Variants in TTC21B observed in about 807,000 individuals in gnomAD.
TTC21B encodes the protein tetratricopeptide repeat domain 21B, also known as tetratricopeptide repeat protein 21B.
TTC21B carries 127 observed loss-of-function variants against 175.1 expected under a neutral mutation model. The observed-to-expected ratio is 0.73, with a 90% CI of 0.63 to 0.84. The LOEUF is 0.84. Ranked by LOEUF, TTC21B falls within the 40% of genes least tolerant of loss-of-function variation. The probability of loss-of-function intolerance (pLI) is 0.00; values close to 1 mark genes in which losing one functional copy is unlikely to be tolerated. For missense variants in TTC21B, 1,561 were observed against 1,558.3 expected (o/e 1.00, Z -0.03); for synonymous variants, 524 against 524.5 (o/e 1.00, Z 0.01).
Position 165,915,371 on chromosome 2 carries a change from A to T in TTC21B, c.1968T>A (p.Val656=). 6.2e-7 allele frequency: 1 copy of T among 1,614,094 alleles called. No individual in the cohort carries two copies. ...GAGCAAGGTCTGCATTAGCAATGGT[A>T]ACCCGCACTTCTTCAGATGTTCCAG... ...EFSGTSEEVR[V]TIANADLALA... Residue 656 remains valine, a synonymous_variant, in exon 15 of 29, where the codon GTT becomes GTA. Coordinates refer to ENST00000243344, the MANE Select transcript of TTC21B (RefSeq NM_024753.5).
rs1002422994 is a variant in TTC21B at position 165,892,709 on chromosome 2, C to T, written c.2951-1721G>A. Among the ~76,000 whole-genome samples the T allele has an allele frequency of 3.9e-5, 6 of 151,944 alleles. No individual in the cohort carries two copies. In the East Asian group the frequency reaches 5.8e-4, roughly 15 times the overall value. On this transcript the variant is annotated intron_variant, in intron 22 of 28. Transcript: ENST00000243344. ...GTAGAATGATGGTTGCCAGGGGCTC[C>T]GGGAAGAGGAATGAGGAACGAGGAA...
rs746084350 is a variant in TTC21B, at chr2:165,933,039, G to T, written c.729C>A (p.Ser243Arg). The change falls in exon 7 of 29, where the codon AGC becomes AGA. Residue 243 changes from serine (S) to arginine (R), a missense_variant. Coordinates refer to ENST00000243344, the MANE Select transcript of TTC21B (RefSeq NM_024753.5). Reference protein sequence around the residue: ...ETAQRLLLQDSQNVEALRMQA... With the variant: ...ETAQRLLLQDRQNVEALRMQA... ...GCATTCTCAGTGCTTCCACATTTTG[G>T]CTATCTTGGAGCAGCAACCTGCAGG... is the stretch of plus-strand genomic sequence containing the variant. The T allele has an allele frequency of 6.2e-7, 1 of 1,612,472 alleles. No individual in the cohort carries two copies. The highest frequency in any genetic ancestry group is 1.1e-5 in the South Asian group (1 of 90,722).
At chr2:165,936,416 T>A (rs1687146525) in intron 6 of TTC21B, among the ~76,000 whole-genome samples, 1 of 152,056 alleles carries the variant, frequency 6.6e-6, no homozygotes, top group Non-Finnish European at 1.5e-5. Context: ...ACATTTTAGA[T>A]AATACACAAA....
rs549836003 is a variant in TTC21B, at chr2:165,901,610, A to C, written c.2757+112T>G. ...AGGGCTGGGATTATAGGCATCAGCC[A>C]CTGCACCCTGCCTACATCTTCTTTT... On this transcript the variant is annotated intron_variant, in intron 20 of 28. Coordinates refer to ENST00000243344, the MANE Select transcript of TTC21B (RefSeq NM_024753.5). 9.1e-4 allele frequency: 971 copies of C among 1,069,226 alleles called. 1 individual carries two copies. The highest frequency in any genetic ancestry group is 1.0e-3 in the Non-Finnish European group (704 of 698,872). The allele number at this position is 1,069,226 out of a possible 1,614,324, so 66.2% of individuals were successfully genotyped here.
chr2:165,898,881 G>T, intron 21 of TTC21B, 114 bp from the exon 22 acceptor site: 1 of 717,228 alleles, frequency 1.4e-6, no homozygotes, highest in Non-Finnish European at 2.5e-6. Context: ...GGAGGGGGCA[G>T]CATTTTATAA....
At chr2:165,949,848 A>G in intron 1 of TTC21B, 124 bp from the exon 2 acceptor site, 2 of 928,366 alleles carry the variant, frequency 2.2e-6, no homozygotes, top group Non-Finnish European at 3.3e-6. Flanking sequence ...TTTTTCTTCC[A>G]AGTTTCTTAA....
chr2:165,893,025 A>T (rs1574073562), intron 22 of TTC21B, among the ~76,000 whole-genome samples: 1 of 152,294 alleles, frequency 6.6e-6, no homozygotes, highest in East Asian at 1.9e-4. Flanking sequence ...TTTGTTCACC[A>T]CACCTTTTAG....
In TTC21B at chr2:165,891,261, C is replaced by T. The variant is rs78871784; in HGVS notation, c.2951-273G>A. Among the ~76,000 whole-genome samples, 2,834 of 151,978 alleles carry T rather than the reference C, an allele frequency of 0.019. 103 individuals carry two copies. Among genetic ancestry groups the T allele is most frequent in the African/African-American group, 0.065 (2,694 of 41,468 alleles). On this transcript the variant is annotated intron_variant, in intron 22 of 28. Coordinates refer to ENST00000243344, the MANE Select transcript of TTC21B (RefSeq NM_024753.5). ...TGTAGCTTTTCTATTGTTTGGGGGA[C>T]CAAAACCTTAGAGAAACAGCCCCTA...
At chr2:165,898,381 TG>T (rs1427113060) in intron 22 of TTC21B, among the ~76,000 whole-genome samples, 1 of 152,008 alleles carries the variant, frequency 6.6e-6, no homozygotes. Flanking sequence ...GGGCAAGAAA[TG>T]GGGCAAGGGT....
At chr2:165,934,915 C>T (rs1236744632) in intron 6 of TTC21B, 1 of 152,046 alleles carries the variant, frequency 6.6e-6, no homozygotes, top group Non-Finnish European at 1.5e-5. Context: ...CAATTTGTCT[C>T]CTCAAATTCA....
At chr2:165,891,763 T>C (rs944308183) in intron 22 of TTC21B, among the ~76,000 whole-genome samples, 21 of 148,078 alleles carry the variant, frequency 1.4e-4, no homozygotes, top group African/African-American at 5.2e-4. Context: ...GTATAGACAC[T>C]ACAGAAAATA....
At chr2:165,929,105 T>A (rs1686786066) in intron 11 of TTC21B, 30 bp downstream of exon 11, 1 of 1,597,460 alleles carries the variant, frequency 6.3e-7, no homozygotes, top group Non-Finnish European at 8.6e-7. Flanking sequence ...AGTAAACGCA[T>A]CCTTGAAAGT....
At chr2:165,907,909 T>C (rs528952157) in intron 18 of TTC21B, 125 bp from the exon 19 acceptor site, 1 of 660,416 alleles carries the variant, frequency 1.5e-6, no homozygotes, top group African/African-American at 1.8e-5. Context: ...ACGGTTAAAA[T>C]TTTCTCAATC....
Position 165,943,235 on chromosome 2 carries a change from A to G in TTC21B, c.536T>C (p.Phe179Ser). The change falls in exon 5 of 29, where the codon TTT (phenylalanine) becomes TCT (serine). Residue 179 changes from phenylalanine to serine, a missense_variant. Transcript: ENST00000243344. ...CCAACTCACCTTACCCAGCAGAGCAAAAGTATCATTCCCATCTTGGAGTCC... is the reference window on the plus strand; with the variant it reads ...CCAACTCACCTTACCCAGCAGAGCAGAAGTATCATTCCCATCTTGGAGTCC... Reference protein sequence around the residue: ...EEGLQDGNDTFALLGKAQCLE... With the variant: ...EEGLQDGNDTSALLGKAQCLE... The G allele has an allele frequency of 6.2e-7, 1 of 1,613,648 alleles. No homozygotes were observed. Among genetic ancestry groups the G allele is most frequent in the Non-Finnish European group, 8.5e-7 (1 of 1,179,616 alleles).
rs866545415 is a variant in TTC21B, at chr2:165,873,557, C to T, written c.*1198G>A. 2 of 152,074 alleles carry T rather than the reference C, an allele frequency of 1.3e-5. No individual in the cohort carries two copies. The highest frequency in any genetic ancestry group is 2.1e-4 in the South Asian group (1 of 4,818). 9.4% of individuals were successfully genotyped at this position (152,074 alleles called of 1,614,324 possible). A position where few individuals can be genotyped will look rare whatever the true frequency, so the allele number is the denominator to read the frequency against. Reference sequence around the variant, plus strand: ...TGCTGTTAAACAGAGCTGGGTAAACCGTTGCCTTCACATGGTGTGCTTTGT... The same window carrying T: ...TGCTGTTAAACAGAGCTGGGTAAACTGTTGCCTTCACATGGTGTGCTTTGT... On this transcript the variant is annotated 3_prime_UTR_variant, in exon 29 of 29. Transcript: ENST00000243344.
Position 165,877,408 on chromosome 2 carries a change from C to A in TTC21B, c.3806-1176G>T, listed in dbSNP as rs115934928. Among the ~76,000 whole-genome samples, 494 of 152,324 alleles carry A rather than the reference C, an allele frequency of 3.2e-3. 3 individuals carry two copies. Among genetic ancestry groups the A allele is most frequent in the African/African-American group, 0.011 (473 of 41,580 alleles). On this transcript the variant is annotated intron_variant, in intron 27 of 28. Coordinates refer to ENST00000243344, the MANE Select transcript of TTC21B (RefSeq NM_024753.5). ...ATGATGTTTCATTAACAACAGACCA[C>A]ATACATGATGGTGGTCCCAAAGATT... is the stretch of plus-strand genomic sequence containing the variant.
chr2:165,909,580 G>T (rs1171576113), intron 18 of TTC21B, among the ~76,000 whole-genome samples: 1 of 152,050 alleles, frequency 6.6e-6, no homozygotes, highest in East Asian at 1.9e-4. Context: ...ACTCATCAAA[G>T]AAATGTAAAT....
At chr2:165,900,677 T>A (rs1685529168) in intron 20 of TTC21B, among the ~76,000 whole-genome samples, 1 of 151,998 alleles carries the variant, frequency 6.6e-6, no homozygotes, top group African/African-American at 2.4e-5. Flanking sequence ...ACAACAGCTG[T>A]TTAGTAAAAG....
chr2:165,951,456 AAAT>A (rs1304379838), intron 1 of TTC21B, among the ~76,000 whole-genome samples: 2 of 152,342 alleles, frequency 1.3e-5, no homozygotes, highest in African/African-American at 4.8e-5. Context: ...AATAAAAAAA[AAAT>A]GTGTCCTGCG....
Sources: allele counts gnomAD v4.1 joint callset (sites outside exome capture counted in the v4.1 genomes callset), GRCh38; gene constraint gnomAD v4.1.1; transcripts MANE v1.5; gene names NCBI Gene and HGNC (gene_info 2026-07-23, HGNC 2026-07-21).